The following GLP2R variants were observed in gnomAD, a reference collection of about 807,000 sequenced individuals.
GLP2R encodes the protein glucagon-like peptide 2 receptor.
A neutral mutation model predicts 68.2 loss-of-function variants in GLP2R; 59 were observed. That is an observed-to-expected ratio of 0.87 (90% CI 0.70 to 1.07). The LOEUF is 1.07. Ranked by LOEUF, GLP2R falls within the 50% of genes least tolerant of loss-of-function variation. The probability of loss-of-function intolerance (pLI) is 0.00; values close to 1 mark genes in which losing one functional copy is unlikely to be tolerated. For missense variants in GLP2R, 548 were observed against 677.4 expected (o/e 0.81, Z 2.12); for synonymous variants, 270 against 265.4 (o/e 1.02, Z -0.17).
At chr17:9,884,232 G>A (rs1256398140) in intron 11 of GLP2R, among the ~76,000 whole-genome samples, 2 of 151,402 alleles carry the variant, frequency 1.3e-5, no homozygotes, top group East Asian at 1.9e-4. Flanking sequence ...TTTAAAAAAT[G>A]TATTTAAAAT....
chr17:9,847,259 A>G (rs1031595543), intron 4 of GLP2R, among the ~76,000 whole-genome samples: 3 of 151,192 alleles, frequency 2.0e-5, no homozygotes, highest in Non-Finnish European at 4.4e-5. Context: ...GTAAATTTAC[A>G]TCATTTAATT....
chr17:9,840,230 C>T (rs975462721), intron 3 of GLP2R, among the ~76,000 whole-genome samples: 1 of 152,218 alleles, frequency 6.6e-6, no homozygotes, highest in African/African-American at 2.4e-5. Context: ...CCGCCTTGGC[C>T]TCCCAAAATG....
intron 9 of GLP2R, 68 bp from the exon 10 acceptor site, chr17:9,870,679 C>A (rs867436652): frequency 1.3e-6 from 1 of 795,408 alleles, no homozygotes; most frequent in Middle Eastern, 2.3e-4. Flanking sequence ...CGAGCCCAGC[C>A]TGACCTTGAA....
intron 1 of GLP2R, among the ~76,000 whole-genome samples, chr17:9,832,409 C>T (rs146029925): frequency 7.2e-4 from 109 of 152,196 alleles, no homozygotes; most frequent in African/African-American, 2.5e-3. Flanking sequence ...CCTGTCTCTA[C>T]TAAAAATACA....
chr17:9,873,717 C>A (rs1376536568), intron 10 of GLP2R, among the ~76,000 whole-genome samples: 1 of 151,920 alleles, frequency 6.6e-6, no homozygotes, highest in African/African-American at 2.4e-5. Flanking sequence ...GATACACAGC[C>A]AGTGTGGAGG....
chr17:9,834,095 C>T (rs924526917), intron 2 of GLP2R, among the ~76,000 whole-genome samples: 4 of 152,148 alleles, frequency 2.6e-5, no homozygotes, highest in African/African-American at 9.7e-5. Flanking sequence ...TACACTTGGC[C>T]GGGGCTTCCA....
At chr17:9,851,984 A>G (rs2066895408) in intron 4 of GLP2R, among the ~76,000 whole-genome samples, 1 of 152,126 alleles carries the variant, frequency 6.6e-6, no homozygotes, top group Non-Finnish European at 1.5e-5. Flanking sequence ...AAAGACAAAA[A>G]TACAATATGC....
At chr17:9,857,930 T>C (rs1328431865) in intron 6 of GLP2R, among the ~76,000 whole-genome samples, 1 of 152,236 alleles carries the variant, frequency 6.6e-6, no homozygotes, top group African/African-American at 2.4e-5. Flanking sequence ...GGATAGAAGA[T>C]ACCTGGGAAT....
intron 9 of GLP2R, among the ~76,000 whole-genome samples, chr17:9,868,434 T>C (rs1162031473): frequency 1.3e-5 from 2 of 152,156 alleles, no homozygotes; most frequent in Non-Finnish European, 1.5e-5. Flanking sequence ...TCACCAAGAA[T>C]GTCACATCTG....
At chr17:9,865,961 G>A in intron 9 of GLP2R, 2 of 469,584 alleles carry the variant, frequency 4.3e-6, no homozygotes, top group East Asian at 7.0e-5. Flanking sequence ...AGATCTTCAT[G>A]TCTATCAGTT....
intron 4 of GLP2R, among the ~76,000 whole-genome samples, chr17:9,845,962 C>T (rs922398026): frequency 1.3e-5 from 2 of 151,918 alleles, no homozygotes; most frequent in African/African-American, 2.4e-5. Context: ...TTTTAAGCTG[C>T]GCTATTACAT....
rs143360582 is a variant in GLP2R, at chr17:9,861,273, T to C, written c.986+74T>C. The C allele has an allele frequency of 1.2e-3, 1,212 of 990,734 alleles. 11 individuals are homozygous for C. In the Middle Eastern group the frequency reaches 0.022, roughly 18 times the overall value. The allele number at this position is 990,734 out of a possible 1,614,324, so 61.4% of individuals were successfully genotyped here. On this transcript the variant is annotated intron_variant, in intron 8 of 12. Coordinates refer to ENST00000262441, the MANE Select transcript of GLP2R (RefSeq NM_004246.3). ...GCATGCCTAAATACAAAGAATGACA[T>C]CATTTTACCGTAGAAAATATCTATC...
chr17:9,833,958 A>T, intron 2 of GLP2R, 64 bp downstream of exon 2: 1 of 961,018 alleles, frequency 1.0e-6, no homozygotes, highest in South Asian at 1.3e-5. Context: ...AGCGGCTCAA[A>T]ACAATAACTA....
intron 1 of GLP2R, among the ~76,000 whole-genome samples, chr17:9,831,244 G>A (rs2066676802): frequency 1.3e-5 from 2 of 152,146 alleles, no homozygotes; most frequent in Non-Finnish European, 2.9e-5. Context: ...TGATTAACTG[G>A]GTGATATTAG....
At chr17:9,845,155 C>T (rs982644883) in intron 4 of GLP2R, among the ~76,000 whole-genome samples, 3 of 151,312 alleles carry the variant, frequency 2.0e-5, no homozygotes, top group Non-Finnish European at 4.4e-5. Context: ...ACCTTCCAGG[C>T]TCAAGTGATC....
At chr17:9,874,060 CA>C (rs1567735009) in intron 10 of GLP2R, among the ~76,000 whole-genome samples, 1 of 151,850 alleles carries the variant, frequency 6.6e-6, no homozygotes, top group African/African-American at 2.4e-5. Context: ...TAAGATAGAC[CA>C]AAAAATAGAA....
At chr17:9,845,210 C>T (rs1053634168) in intron 4 of GLP2R, among the ~76,000 whole-genome samples, 1 of 152,048 alleles carries the variant, frequency 6.6e-6, no homozygotes, top group African/African-American at 2.4e-5. Context: ...AGGTGCACAC[C>T]ACCACATCTG....
chr17:9,846,629 G>A (rs1025982545), intron 4 of GLP2R, among the ~76,000 whole-genome samples: 1 of 151,886 alleles, frequency 6.6e-6, no homozygotes, highest in African/African-American at 2.4e-5. Flanking sequence ...AAAAAACAAC[G>A]AACAAACAAA....
intron 4 of GLP2R, among the ~76,000 whole-genome samples, chr17:9,849,911 C>G (rs908126975): frequency 6.6e-6 from 1 of 152,174 alleles, no homozygotes; most frequent in African/African-American, 2.4e-5. Flanking sequence ...CTGCGCCCAG[C>G]CTATTTCCAA....
Sources: gnomAD v4.1 joint callset for allele counts (sites outside exome capture counted in the v4.1 genomes callset) on GRCh38, gnomAD v4.1.1 for gene constraint, MANE v1.5 for transcripts, NCBI Gene and HGNC (gene_info 2026-07-23, HGNC 2026-07-21) for gene names.